Variants in FAM117B observed in about 807,000 individuals in gnomAD.
The protein encoded by FAM117B is protein FAM117B.
In FAM117B, 22 loss-of-function variants were observed where a neutral mutation model predicts 52.8. The observed-to-expected ratio is 0.42, with a 90% CI of 0.30 to 0.59. The LOEUF (loss-of-function observed/expected upper bound fraction) is 0.59. Ranked by LOEUF, FAM117B falls within the 20% of genes least tolerant of loss-of-function variation. The pLI, the probability that FAM117B is intolerant of heterozygous loss-of-function variation, is 0.22. For synonymous variants in FAM117B, 309 were observed against 324.1 expected (o/e 0.95, Z 0.50); for missense variants, 678 against 802.6 (o/e 0.84, Z 1.88).
rs577166338 is a variant in FAM117B, at chr2:202,682,448, C to G, written c.602-13433C>G. On this transcript the variant is annotated intron_variant, in intron 1 of 7. Coordinates refer to ENST00000392238, the MANE Select transcript of FAM117B (RefSeq NM_173511.4). ...CAGTCGCCCAACCACTGCACTCTCT[C>G]ACCTGCGCTCCCCCTCCTGCGAGGG... Among the ~76,000 whole-genome samples, 10 of 152,322 alleles carry G rather than the reference C, an allele frequency of 6.6e-5. No homozygotes were observed. The East Asian group carries it at 1.7e-3, about 26-fold the overall frequency.
At chr2:202,754,344 A>G (rs1691768224) in intron 4 of FAM117B, among the ~76,000 whole-genome samples, 1 of 152,138 alleles carries the variant, frequency 6.6e-6, no homozygotes, top group Admixed American at 6.5e-5. Flanking sequence ...ATGGGCACAT[A>G]GAGGGGAACA....
At chr2:202,676,051 T>G (rs1467995163) in intron 1 of FAM117B, among the ~76,000 whole-genome samples, 2 of 151,710 alleles carry the variant, frequency 1.3e-5, no homozygotes, top group South Asian at 4.2e-4. Context: ...ATTAGGTTAC[T>G]GAAAGATTGT....
chr2:202,736,911 TA>T (rs557044805), intron 4 of FAM117B, among the ~76,000 whole-genome samples: 3,624 of 147,856 alleles, frequency 0.025, 139 homozygotes, highest in African/African-American at 0.077. Context: ...CACATTTTCA[TA>T]AAAAAAAAAA....
chr2:202,666,906 A>G (rs1690214021), intron 1 of FAM117B, among the ~76,000 whole-genome samples: 1 of 151,920 alleles, frequency 6.6e-6, no homozygotes, highest in East Asian at 1.9e-4. Flanking sequence ...CGGCCTCCCA[A>G]AGTGCTGGGA....
intron 4 of FAM117B, among the ~76,000 whole-genome samples, chr2:202,727,223 A>G (rs1220440528): frequency 1.3e-5 from 2 of 152,162 alleles, no homozygotes; most frequent in African/African-American, 2.4e-5. Flanking sequence ...CAGGGCCTGG[A>G]AGGTAGAGGG....
intron 2 of FAM117B, among the ~76,000 whole-genome samples, chr2:202,699,408 CAG>C (rs1434114107): frequency 9.7e-6 from 1 of 103,522 alleles, no homozygotes; most frequent in Non-Finnish European, 1.7e-5. Context: ...GCCTGGGTGA[CAG>C]AGTGAGACCC....
At chr2:202,676,579 C>CA (rs2105768301) in intron 1 of FAM117B, among the ~76,000 whole-genome samples, 1 of 152,096 alleles carries the variant, frequency 6.6e-6, no homozygotes, top group Admixed American at 6.5e-5. Flanking sequence ...GGGGTTTCAC[C>CA]ATGTTGGTCA....
At chr2:202,650,956 C>T (rs971661925) in intron 1 of FAM117B, among the ~76,000 whole-genome samples, 1 of 152,128 alleles carries the variant, frequency 6.6e-6, no homozygotes, top group South Asian at 2.1e-4. Context: ...CACAAACAAA[C>T]CCGGGAACAA....
intron 4 of FAM117B, among the ~76,000 whole-genome samples, chr2:202,731,266 A>G (rs1447810823): frequency 1.4e-5 from 2 of 144,256 alleles, no homozygotes; most frequent in African/African-American, 5.0e-5. Context: ...ACCAGTTCAT[A>G]TGCATTAGAA....
intron 4 of FAM117B, among the ~76,000 whole-genome samples, chr2:202,730,629 C>G (rs1286707394): frequency 2.6e-5 from 4 of 152,160 alleles, no homozygotes; most frequent in Non-Finnish European, 4.4e-5. Flanking sequence ...GAGATTGCAC[C>G]ACTGCACTCC....
intron 1 of FAM117B, among the ~76,000 whole-genome samples, chr2:202,668,397 G>A (rs1033603825): frequency 4.1e-5 from 6 of 146,806 alleles, no homozygotes; most frequent in African/African-American, 1.5e-4. Context: ...GCATAGTGGC[G>A]GGTGCCTGTA....
intron 1 of FAM117B, among the ~76,000 whole-genome samples, chr2:202,683,961 G>T (rs1690500092): frequency 6.6e-6 from 1 of 151,932 alleles, no homozygotes. Context: ...TGACCTCCTG[G>T]GCTCAAGCAG....
At chr2:202,700,617 G>C (rs1690782702) in intron 2 of FAM117B, among the ~76,000 whole-genome samples, 1 of 151,824 alleles carries the variant, frequency 6.6e-6, no homozygotes, top group African/African-American at 2.4e-5. Context: ...TACTGATATA[G>C]AAACTGTAGT....
chr2:202,648,708 T>C (rs1251072942), intron 1 of FAM117B, among the ~76,000 whole-genome samples: 2 of 152,004 alleles, frequency 1.3e-5, no homozygotes, highest in Non-Finnish European at 2.9e-5. Flanking sequence ...TTGTATATAC[T>C]TCTTTGTGCA....
intron 1 of FAM117B, among the ~76,000 whole-genome samples, chr2:202,671,714 AT>A (rs1395824029): frequency 1.4e-4 from 21 of 152,340 alleles, no homozygotes; most frequent in African/African-American, 4.6e-4. Context: ...ATTCCCATAT[AT>A]TGGTAGAGCA....
chr2:202,636,892 G>T (rs1333715260), intron 1 of FAM117B, among the ~76,000 whole-genome samples: 2 of 152,144 alleles, frequency 1.3e-5, no homozygotes, highest in Non-Finnish European at 2.9e-5. Context: ...GAATTGCCCT[G>T]GAAAATGATG....
chr2:202,735,283 G>A (rs1389056852), intron 4 of FAM117B, among the ~76,000 whole-genome samples: 1 of 152,004 alleles, frequency 6.6e-6, no homozygotes. Context: ...TTCTTTGTGT[G>A]TTTTTCTGAG....
chr2:202,686,898 T>G (rs1450886240), intron 1 of FAM117B, among the ~76,000 whole-genome samples: 3 of 152,230 alleles, frequency 2.0e-5, no homozygotes, highest in African/African-American at 7.2e-5. Context: ...GATACATATA[T>G]ATTTTATTGA....
At chr2:202,749,925 T>TA (rs982764591) in intron 4 of FAM117B, among the ~76,000 whole-genome samples, 3 of 151,990 alleles carry the variant, frequency 2.0e-5, no homozygotes, top group African/African-American at 4.8e-5. Context: ...ACTGTAGAAA[T>TA]AAAAAAAATT....
Sources: allele counts gnomAD v4.1 joint callset (sites outside exome capture counted in the v4.1 genomes callset), GRCh38; gene constraint gnomAD v4.1.1; transcripts MANE v1.5; gene names NCBI Gene and HGNC (gene_info 2026-07-23, HGNC 2026-07-21).